The following ODAD4 variants were observed in gnomAD, a reference collection of about 807,000 sequenced individuals.
ODAD4 encodes outer dynein arm docking complex subunit 4.
In ODAD4, 49 loss-of-function variants were observed where a neutral mutation model predicts 51.8. The ratio of observed to expected loss-of-function variants is 0.95; its 90% CI spans 0.75 to 1.20. The LOEUF is 1.20. ODAD4 is among the 50% of genes most tolerant of loss of function. ODAD4 has a pLI of 0.00. For synonymous variants in ODAD4, 235 were observed against 221.3 expected (o/e 1.06, Z -0.55); for missense variants, 590 against 586.5 (o/e 1.01, Z -0.06).
Position 41,933,825 on chromosome 17 carries a change from AG to A in ODAD4, c.115-1386del, listed in dbSNP as rs368216849. ...TGAGACTCTGTCTCAAAAAAGAAAAAGGGGGGTGGGTACAGTTAGATGCCTC... is the reference window on the plus strand; with the variant it reads ...TGAGACTCTGTCTCAAAAAAGAAAAAGGGGGTGGGTACAGTTAGATGCCTC... On this transcript the variant is annotated intron_variant, in intron 1 of 11. Transcript: ENST00000377540. Among the ~76,000 whole-genome samples, 449 of 151,876 alleles carry A rather than the reference AG, an allele frequency of 3.0e-3. 3 individuals carry two copies. The highest frequency in any genetic ancestry group is 0.01 in the African/African-American group (418 of 41,428).
intron 7 of ODAD4, among the ~76,000 whole-genome samples, chr17:41,944,444 A>ACACACACACACACACACACACC (rs1191101800): frequency 1.5e-4 from 3 of 19,548 alleles, no homozygotes; most frequent in African/African-American, 4.1e-4. Context: ...ACACACACAC[A>ACACACACACACACACACACACC]CCCCCCCGCA....
At chr17:41,948,607 G>C (rs1182341813) in intron 8 of ODAD4, among the ~76,000 whole-genome samples, 2 of 151,486 alleles carry the variant, frequency 1.3e-5, no homozygotes, top group Non-Finnish European at 2.9e-5. Flanking sequence ...CACCATACTT[G>C]GTAATAATAT....
rs4796623 is a variant in ODAD4 at position 41,932,362 on chromosome 17, C to T, written c.114+1525C>T. 2.1e-3 allele frequency among the ~76,000 whole-genome samples: 325 copies of T among 152,202 alleles called. 8 individuals carry two copies. Among genetic ancestry groups the T allele is most frequent in the Admixed American group, 0.02 (298 of 15,266 alleles). On this transcript the variant is annotated intron_variant, in intron 1 of 11. Transcript: ENST00000377540. ...CTGGGATTACAGGCGTGAACCACCC[C>T]ACCCAGTGCATACTCAATTTTATAG...
intron 10 of ODAD4, among the ~76,000 whole-genome samples, chr17:41,956,382 A>G (rs1249642231): frequency 6.8e-6 from 1 of 148,106 alleles, no homozygotes; most frequent in Non-Finnish European, 1.5e-5. Context: ...GATGGGATTT[A>G]GCCATGTTGG....
intron 10 of ODAD4, among the ~76,000 whole-genome samples, chr17:41,958,123 G>C (rs2050756982): frequency 6.6e-6 from 1 of 152,002 alleles, no homozygotes; most frequent in Admixed American, 6.6e-5. Context: ...ATCTCTGCCT[G>C]GAATATTCTA....
chr17:41,937,194 C>T (rs1220426175), intron 5 of ODAD4, among the ~76,000 whole-genome samples: 1 of 152,072 alleles, frequency 6.6e-6, no homozygotes, highest in Non-Finnish European at 1.5e-5. Context: ...GCTATGGTAC[C>T]CTGGGAGGGA....
chr17:41,937,083 T>G, intron 5 of ODAD4, 156 bp downstream of exon 5: 1 of 902,722 alleles, frequency 1.1e-6, no homozygotes, highest in Non-Finnish European at 1.7e-6. Context: ...ATGAGGAAAC[T>G]GAGGCGCAGA....
rs985330945 is a variant in ODAD4, at chr17:41,945,353, A to T, written c.1145+131A>T. 3.4e-5 allele frequency: 24 copies of T among 700,530 alleles called. No individual in the cohort carries two copies. The African/African-American group carries it at 3.8e-4, about 11-fold the overall frequency. The allele number at this position is 700,530 out of a possible 1,614,324, so 43.4% of individuals were successfully genotyped here. A position where few individuals can be genotyped will look rare whatever the true frequency, so the allele number is the denominator to read the frequency against. ...AAGACTCCCTCTCTACAAAAAAAAA[A>T]AAAAAAAAATTAGCCGCGCATACTG... On this transcript the variant is annotated intron_variant, in intron 8 of 11. Transcript: ENST00000377540.
intron 1 of ODAD4, among the ~76,000 whole-genome samples, chr17:41,933,630 C>G (rs2050380772): frequency 1.3e-5 from 2 of 150,298 alleles, no homozygotes; most frequent in Non-Finnish European, 3.0e-5. Flanking sequence ...CCAGCTTTGG[C>G]AACAAGAGCA....
At chr17:41,930,859 T>A in intron 1 of ODAD4, 22 bp downstream of exon 1, 11 of 577,080 alleles carry the variant, frequency 1.9e-5, no homozygotes, top group Non-Finnish European at 3.4e-5. Context: ...TCTCAACCTA[T>A]CCATCACCCC....
At chr17:41,961,659 ATGGG>A (rs2050808162) in intron 11 of ODAD4, among the ~76,000 whole-genome samples, 193 bp downstream of exon 11, 1 of 152,232 alleles carries the variant, frequency 6.6e-6, no homozygotes, top group Non-Finnish European at 1.5e-5. Flanking sequence ...TCAGCCCACC[ATGGG>A]CTGGACTGTC....
chr17:41,949,926 G>T (rs1324925924), intron 9 of ODAD4, among the ~76,000 whole-genome samples: 2 of 151,198 alleles, frequency 1.3e-5, no homozygotes, highest in East Asian at 3.9e-4. Context: ...CAAACGCCTC[G>T]GCCTCCCAAA....
At chr17:41,959,611 C>T (rs1555641429) in intron 10 of ODAD4, among the ~76,000 whole-genome samples, 2 of 152,114 alleles carry the variant, frequency 1.3e-5, no homozygotes, top group Non-Finnish European at 2.9e-5. Context: ...GGCAAGTGCA[C>T]TGAAGACGTG....
chr17:41,957,331 A>G (rs970105636), intron 10 of ODAD4, among the ~76,000 whole-genome samples: 4 of 152,188 alleles, frequency 2.6e-5, no homozygotes, highest in Non-Finnish European at 5.9e-5. Flanking sequence ...ATCATCAGAC[A>G]TTAGATTCTC....
Position 41,965,567 on chromosome 17 carries a change from T to C in ODAD4, c.*84T>C, listed in dbSNP as rs574442793. 1.4e-5 allele frequency: 9 copies of C among 665,230 alleles called. No homozygotes were observed. The highest frequency in any genetic ancestry group is 5.4e-5 in the African/African-American group (3 of 55,738). 41.2% of individuals were successfully genotyped at this position (665,230 alleles called of 1,614,324 possible). Reference sequence around the variant, plus strand: ...TTAAACTGGATTTTCAAGCGATTTGTCTGTTATAGGAAAAATGAGGGTTTT... The same window carrying C: ...TTAAACTGGATTTTCAAGCGATTTGCCTGTTATAGGAAAAATGAGGGTTTT... On this transcript the variant is annotated 3_prime_UTR_variant, in exon 12 of 12. Coordinates refer to ENST00000377540, the MANE Select transcript of ODAD4 (RefSeq NM_031421.5).
At chr17:41,958,388 T>G (rs1555641267) in intron 10 of ODAD4, among the ~76,000 whole-genome samples, 2 of 152,070 alleles carry the variant, frequency 1.3e-5, no homozygotes, top group South Asian at 4.2e-4. Flanking sequence ...AGGCTGGGTG[T>G]GGTGGCTCAT....
chr17:41,930,637 TA>T lies in ODAD4; in HGVS notation c.-85del. On this transcript the variant is annotated 5_prime_UTR_variant, in exon 1 of 12. It removes the in-frame stop codon of an upstream open reading frame in the 5' UTR. Coordinates refer to ENST00000377540, the MANE Select transcript of ODAD4 (RefSeq NM_031421.5). Reference sequence around the variant, plus strand: ...AAGTCGCTGTACATCTCATGGTTGCTAAGAAACGGAGCTTCCACAAACCAGA... The same window carrying T: ...AAGTCGCTGTACATCTCATGGTTGCTAGAAACGGAGCTTCCACAAACCAGA... 1 of 886,034 alleles carries T rather than the reference TA, an allele frequency of 1.1e-6. No homozygotes were observed. Among genetic ancestry groups the T allele is most frequent in the Non-Finnish European group, 1.8e-6 (1 of 558,580 alleles). The allele number at this position is 886,034 out of a possible 1,614,324, so 54.9% of individuals were successfully genotyped here.
At chr17:41,953,668 T>TAGAGAGAG (rs781894882) in intron 9 of ODAD4, among the ~76,000 whole-genome samples, 1 of 145,018 alleles carries the variant, frequency 6.9e-6, no homozygotes, top group South Asian at 2.2e-4. Flanking sequence ...TATATATATA[T>TAGAGAGAG]AGAGAGAGAG....
intron 1 of ODAD4, among the ~76,000 whole-genome samples, chr17:41,933,745 C>T (rs142901107): frequency 0.018 from 2,666 of 151,462 alleles, 36 homozygotes; most frequent in Non-Finnish European, 0.028. Flanking sequence ...ACCCGGGACT[C>T]GGAGATTGCA....
Sources: gnomAD v4.1 joint callset for allele counts (sites outside exome capture counted in the v4.1 genomes callset) on GRCh38, gnomAD v4.1.1 for gene constraint, MANE v1.5 for transcripts, NCBI Gene and HGNC (gene_info 2026-07-23, HGNC 2026-07-21) for gene names.